MED12L: variants seen among roughly 807,000 people sequenced by gnomAD.
The protein encoded by MED12L is mediator of RNA polymerase II transcription subunit 12-like protein.
Under a neutral mutation model 281.3 loss-of-function variants are expected in MED12L, and 60 were observed. The ratio of observed to expected loss-of-function variants is 0.21; its 90% CI spans 0.17 to 0.26. The LOEUF is 0.26. Among genes scored for constraint, MED12L ranks in the 10% least tolerant of loss-of-function variants. The pLI, the probability that MED12L is intolerant of heterozygous loss-of-function variation, is 1.00. For missense variants in MED12L, 2,146 were observed against 2,680.9 expected, an observed-to-expected ratio of 0.80 and a Z score of 4.41; for synonymous variants, 974 against 987.2, an observed-to-expected ratio of 0.99 and a Z score of 0.25.
chr3:151,253,937 C>G (rs1318450213), intron 16 of MED12L, among the ~76,000 whole-genome samples: 1 of 150,004 alleles, frequency 6.7e-6, no homozygotes, highest in Non-Finnish European at 1.5e-5. Context: ...CTTTTTTTTT[C>G]TTCTTCTAGT....
chr3:151,391,574 C>G (rs893967229), intron 38 of MED12L, among the ~76,000 whole-genome samples: 8 of 151,870 alleles, frequency 5.3e-5, no homozygotes, highest in African/African-American at 1.9e-4. Context: ...AAACAATAGG[C>G]GATCAACTAC....
chr3:151,262,679 A>G (rs983624324), intron 16 of MED12L, among the ~76,000 whole-genome samples: 10 of 152,354 alleles, frequency 6.6e-5, no homozygotes, highest in African/African-American at 1.2e-4. Context: ...TCACCGACAG[A>G]TTTATTCTTG....
intron 42 of MED12L, among the ~76,000 whole-genome samples, chr3:151,413,773 G>A (rs1219363252): frequency 5.3e-5 from 8 of 152,108 alleles, no homozygotes; most frequent in Non-Finnish European, 1.2e-4. Context: ...CTGTTTCAAA[G>A]GATATTTCAT....
At chr3:151,135,021 CTTAT>C (rs375313428) in intron 5 of MED12L, among the ~76,000 whole-genome samples, 190 of 152,178 alleles carry the variant, frequency 1.2e-3, no homozygotes, top group African/African-American at 4.1e-3. Flanking sequence ...ATTGACAGTA[CTTAT>C]TTATTTATTT....
intron 39 of MED12L, among the ~76,000 whole-genome samples, chr3:151,395,090 A>G (rs1014542034): frequency 2.2e-4 from 34 of 152,198 alleles, no homozygotes; most frequent in African/African-American, 8.2e-4. Flanking sequence ...GGTTTATTAA[A>G]AGTATACCTT....
At chr3:151,285,766 G>A (rs1429957796) in intron 16 of MED12L, among the ~76,000 whole-genome samples, 1 of 152,142 alleles carries the variant, frequency 6.6e-6, no homozygotes, top group Admixed American at 6.5e-5. Context: ...TTTGGGAGGT[G>A]ACTAGGCCAT....
intron 2 of MED12L, among the ~76,000 whole-genome samples, chr3:151,099,260 A>G (rs1721109727): frequency 6.6e-6 from 1 of 152,198 alleles, no homozygotes; most frequent in Non-Finnish European, 1.5e-5. Flanking sequence ...AGAATTTACC[A>G]ACACTTTTAG....
At chr3:151,339,269 C>G (rs544421972) in intron 16 of MED12L, among the ~76,000 whole-genome samples, 2 of 152,100 alleles carry the variant, frequency 1.3e-5, no homozygotes, top group African/African-American at 2.4e-5. Context: ...ACTTTTCCCC[C>G]CAACGTCCTT....
At chr3:151,242,147 C>G (rs1734266766) in intron 16 of MED12L, among the ~76,000 whole-genome samples, 1 of 152,208 alleles carries the variant, frequency 6.6e-6, no homozygotes, top group Non-Finnish European at 1.5e-5. Flanking sequence ...TCGCTGATTG[C>G]TAGCACAGCA....
chr3:151,264,892 A>G (rs1471118300), intron 16 of MED12L, among the ~76,000 whole-genome samples: 1 of 152,118 alleles, frequency 6.6e-6, no homozygotes, highest in Non-Finnish European at 1.5e-5. Flanking sequence ...TCCTGTGGCC[A>G]CTGCCTTGCC....
chr3:151,338,146 C>A, intron 16 of MED12L: 1 of 1,613,970 alleles, frequency 6.2e-7, no homozygotes, highest in Middle Eastern at 1.7e-4. Flanking sequence ...TTGACGTTCA[C>A]CTTTTTCCTG....
intron 16 of MED12L, among the ~76,000 whole-genome samples, chr3:151,194,940 G>A (rs1243140030): frequency 1.3e-5 from 2 of 152,088 alleles, no homozygotes; most frequent in Non-Finnish European, 2.9e-5. Flanking sequence ...CGAGGTGGGC[G>A]GATCACGAGG....
intron 43 of MED12L, among the ~76,000 whole-genome samples, chr3:151,420,694 C>T (rs937706225): frequency 2.0e-5 from 3 of 152,218 alleles, no homozygotes; most frequent in Non-Finnish European, 2.9e-5. Context: ...AATCCAGCTG[C>T]TTCAGGATGA....
At chr3:151,368,041 G>A (rs1453533287) in intron 24 of MED12L, 109 bp from the exon 25 acceptor site, 2 of 984,016 alleles carry the variant, frequency 2.0e-6, no homozygotes, top group Non-Finnish European at 3.0e-6. Flanking sequence ...CTTACCATAA[G>A]GAAAATTTAT....
intron 36 of MED12L, among the ~76,000 whole-genome samples, chr3:151,386,043 G>A (rs953568809): frequency 3.3e-5 from 5 of 152,128 alleles, no homozygotes; most frequent in South Asian, 2.1e-4. Context: ...AGGGTCCCCA[G>A]GAAAATTGAC....
intron 2 of MED12L, among the ~76,000 whole-genome samples, chr3:151,116,079 A>G (rs891010984): frequency 6.6e-6 from 1 of 151,726 alleles, no homozygotes; most frequent in South Asian, 2.1e-4. Flanking sequence ...AAAAAAAAAA[A>G]AAAAAAAAGA....
chr3:151,329,119 A>G (rs1750052639), intron 16 of MED12L: 1 of 734,438 alleles, frequency 1.4e-6, no homozygotes. Context: ...AACATCCTGC[A>G]TTTATCCAAC....
chr3:151,230,713 A>G (rs1358237597), intron 16 of MED12L, among the ~76,000 whole-genome samples: 2 of 152,132 alleles, frequency 1.3e-5, no homozygotes, highest in African/African-American at 2.4e-5. Context: ...CAAAGTCCTT[A>G]ATAAAAAAAA....
Position 151,280,866 on chromosome 3 carries a change from C to T in MED12L, c.2251-69193C>T, listed in dbSNP as rs567665566. On this transcript the variant is annotated intron_variant, in intron 16 of 44. Coordinates refer to ENST00000687756, the MANE Select transcript of MED12L (RefSeq NM_001393769.1). Reference sequence around the variant, plus strand: ...TGGAGAAGTAACTATTCCTTTTTTTCACAAGTAAGAAAATAGAGCCTCAGA... The same window carrying T: ...TGGAGAAGTAACTATTCCTTTTTTTTACAAGTAAGAAAATAGAGCCTCAGA... Among the ~76,000 whole-genome samples, 16 of 151,440 alleles carry T rather than the reference C, an allele frequency of 1.1e-4. No homozygotes were observed. In the South Asian group the frequency reaches 2.3e-3, roughly 22 times the overall value.
Sources: allele counts gnomAD v4.1 joint callset (sites outside exome capture counted in the v4.1 genomes callset), GRCh38; gene constraint gnomAD v4.1.1; transcripts MANE v1.5; gene names NCBI Gene and HGNC (gene_info 2026-07-23, HGNC 2026-07-21).